The following CTNND2 variants were observed in gnomAD, a reference collection of about 807,000 sequenced individuals.
The protein encoded by CTNND2 is catenin delta 2, also known as catenin delta-2.
In CTNND2, 22 loss-of-function variants were observed where a neutral mutation model predicts 144.4. That is an observed-to-expected ratio of 0.15 (90% CI 0.11 to 0.22). CTNND2 has a LOEUF of 0.22. Ranked by LOEUF, CTNND2 falls within the 10% of genes least tolerant of loss-of-function variation. CTNND2 has a pLI of 1.00. For missense variants in CTNND2, 1,353 were observed against 1,618.8 expected (o/e 0.84, Z 2.82); for synonymous variants, 751 against 695.6 (o/e 1.08, Z -1.25).
intron 9 of CTNND2, among the ~76,000 whole-genome samples, chr5:11,338,811 G>T (rs1015617894): frequency 6.6e-6 from 1 of 152,134 alleles, no homozygotes; most frequent in African/African-American, 2.4e-5. Context: ...ACTGATAAAA[G>T]AACTCTTGAA....
intron 1 of CTNND2, among the ~76,000 whole-genome samples, chr5:11,771,933 C>T (rs147348921): frequency 3.9e-5 from 6 of 152,288 alleles, no homozygotes; most frequent in Non-Finnish European, 7.4e-5. Context: ...GCTCAGCAGG[C>T]ACACTGAAAA....
intron 1 of CTNND2, among the ~76,000 whole-genome samples, chr5:11,880,337 C>G (rs867257393): frequency 2.6e-5 from 4 of 151,856 alleles, no homozygotes; most frequent in African/African-American, 9.7e-5. Context: ...TCACTTTGGG[C>G]AGAGGTTAAG....
At chr5:11,202,499 G>A (rs1737561009) in intron 10 of CTNND2, among the ~76,000 whole-genome samples, 1 of 152,108 alleles carries the variant, frequency 6.6e-6, no homozygotes, top group Non-Finnish European at 1.5e-5. Flanking sequence ...ATTAAAACTT[G>A]TTTTCTTGGG....
At chr5:11,256,463 G>C (rs1476150802) in intron 9 of CTNND2, among the ~76,000 whole-genome samples, 6 of 152,188 alleles carry the variant, frequency 3.9e-5, no homozygotes, top group Non-Finnish European at 1.5e-5. Context: ...ACTCCAGAGA[G>C]CAGGGTTCAT....
At chr5:11,187,377 G>C (rs1178073243) in intron 11 of CTNND2, among the ~76,000 whole-genome samples, 1 of 152,146 alleles carries the variant, frequency 6.6e-6, no homozygotes, top group East Asian at 1.9e-4. Flanking sequence ...TTAATAAATG[G>C]TGCTGGGAGA....
chr5:11,212,872 T>C (rs1183905414), intron 10 of CTNND2, among the ~76,000 whole-genome samples: 1 of 152,104 alleles, frequency 6.6e-6, no homozygotes, highest in Non-Finnish European at 1.5e-5. Flanking sequence ...GAGCTGGCAC[T>C]GAAAACCACA....
At chr5:11,697,387 G>A (rs1345767297) in intron 2 of CTNND2, among the ~76,000 whole-genome samples, 1 of 152,210 alleles carries the variant, frequency 6.6e-6, no homozygotes, top group Non-Finnish European at 1.5e-5. Flanking sequence ...AGACACAGTA[G>A]TGGAATAAAG....
At chr5:11,899,942 T>C (rs1737719869) in intron 1 of CTNND2, among the ~76,000 whole-genome samples, 1 of 152,178 alleles carries the variant, frequency 6.6e-6, no homozygotes, top group Non-Finnish European at 1.5e-5. Flanking sequence ...AAACTTATTT[T>C]TCCAATAATT....
At chr5:11,084,089 G>C (rs554197613) in intron 15 of CTNND2, 1 of 378,594 alleles carries the variant, frequency 2.6e-6, no homozygotes, top group East Asian at 1.6e-4. Context: ...TCAAGCTCTA[G>C]GAAGCCTTGA....
At chr5:11,340,868 T>C (rs1432015443) in intron 9 of CTNND2, among the ~76,000 whole-genome samples, 3 of 152,212 alleles carry the variant, frequency 2.0e-5, no homozygotes, top group African/African-American at 7.2e-5. Flanking sequence ...GTGATAGAGA[T>C]TTTGGGATGA....
chr5:11,649,275 G>A (rs1782525694), intron 2 of CTNND2, among the ~76,000 whole-genome samples: 1 of 152,080 alleles, frequency 6.6e-6, no homozygotes, highest in South Asian at 2.1e-4. Context: ...CTATATAACT[G>A]TAACATACCA....
intron 3 of CTNND2, among the ~76,000 whole-genome samples, chr5:11,445,501 C>T (rs1231367491): frequency 6.6e-6 from 1 of 152,130 alleles, no homozygotes; most frequent in African/African-American, 2.4e-5. Context: ...TCGGGAGTCT[C>T]CAAAGCAAAG....
intron 1 of CTNND2, among the ~76,000 whole-genome samples, chr5:11,841,315 A>G (rs962221848): frequency 6.7e-6 from 1 of 149,228 alleles, no homozygotes; most frequent in African/African-American, 2.6e-5. Context: ...TCAGAACAAG[A>G]ACCAAAAACA....
At chr5:11,120,203 G>A (rs1475610589) in intron 12 of CTNND2, among the ~76,000 whole-genome samples, 4 of 152,176 alleles carry the variant, frequency 2.6e-5, no homozygotes, top group Admixed American at 6.5e-5. Context: ...ACTGAGATAC[G>A]CCTACACCCA....
At chr5:11,355,051 G>A (rs1755719890) in intron 8 of CTNND2, among the ~76,000 whole-genome samples, 1 of 152,052 alleles carries the variant, frequency 6.6e-6, no homozygotes, top group African/African-American at 2.4e-5. Context: ...GACAAATGAG[G>A]ATGGAAACAC....
rs867107520 is a variant in CTNND2 at position 11,128,956 on chromosome 5, A to T, written c.2160-11389T>A. ...ATATATATATTATATATAATATATA[A>T]ATATATATAATATATAATATATAAA... is the stretch of plus-strand genomic sequence containing the variant. On this transcript the variant is annotated intron_variant, in intron 12 of 21. Transcript: ENST00000304623. Among the ~76,000 whole-genome samples, 205 of 39,580 alleles carry T rather than the reference A, an allele frequency of 5.2e-3. 12 individuals carry two copies. The highest frequency in any genetic ancestry group is 0.014 in the African/African-American group (194 of 13,544). 26.0% of individuals were successfully genotyped at this position (39,580 alleles called of 152,430 possible).
intron 1 of CTNND2, among the ~76,000 whole-genome samples, chr5:11,797,335 G>A (rs745920375): frequency 6.6e-6 from 1 of 152,164 alleles, no homozygotes; most frequent in Non-Finnish European, 1.5e-5. Flanking sequence ...CCACAGGGTG[G>A]AGAATATTCC....
At chr5:11,074,872 A>C (rs866584198) in intron 16 of CTNND2, among the ~76,000 whole-genome samples, 1 of 152,192 alleles carries the variant, frequency 6.6e-6, no homozygotes, top group Non-Finnish European at 1.5e-5. Context: ...CAATGTGCAG[A>C]TCAAATCTAT....
chr5:11,437,665 G>A (rs1198990299), intron 3 of CTNND2, among the ~76,000 whole-genome samples: 2 of 152,150 alleles, frequency 1.3e-5, no homozygotes, highest in Non-Finnish European at 2.9e-5. Context: ...AGTAAGTTTG[G>A]GACAGAGACA....
Sources: allele counts gnomAD v4.1 joint callset (sites outside exome capture counted in the v4.1 genomes callset), GRCh38; gene constraint gnomAD v4.1.1; transcripts MANE v1.5; gene names NCBI Gene and HGNC (gene_info 2026-07-23, HGNC 2026-07-21).